Variants in CSMD1 observed in about 807,000 individuals in gnomAD.
CSMD1 encodes CUB and Sushi multiple domains 1.
CSMD1 carries 213 observed loss-of-function variants against 417.5 expected under a neutral mutation model. The observed-to-expected ratio is 0.51, with a 90% CI of 0.46 to 0.57. The LOEUF is 0.57. Among genes scored for constraint, CSMD1 ranks in the 20% least tolerant of loss-of-function variants. The pLI, the probability that CSMD1 is intolerant of heterozygous loss-of-function variation, is 0.00. For synonymous variants in CSMD1, 2,862 were observed against 1,736.8 expected, an observed-to-expected ratio of 1.65 and a Z score of -16.11; for missense variants, 6,923 against 4,529.7, an observed-to-expected ratio of 1.53 and a Z score of -15.17.
At chr8:3,135,024 G>A (rs1192541569) in intron 41 of CSMD1, among the ~76,000 whole-genome samples, 3 of 152,204 alleles carry the variant, frequency 2.0e-5, no homozygotes, top group East Asian at 3.9e-4. Context: ...CCCAAGCTCA[G>A]GCAGTCCTCC....
rs186924790 is a variant in CSMD1, at chr8:3,118,202, G to A, written c.6430+197C>T. 9.5e-4 allele frequency among the ~76,000 whole-genome samples: 144 copies of A among 152,274 alleles called. 1 individual carries two copies. Among genetic ancestry groups the A allele is most frequent in the Non-Finnish European group, 1.7e-3 (114 of 68,026 alleles). On this transcript the variant is annotated intron_variant, in intron 42 of 69. Transcript: ENST00000635120. ...ATCCTTATAATTTCCTTGGCAACAA[G>A]GATTGTTTCTTTACTTCTAACTTAA...
intron 5 of CSMD1, among the ~76,000 whole-genome samples, chr8:3,921,570 A>G (rs1406920619): frequency 6.6e-6 from 1 of 151,678 alleles, no homozygotes; most frequent in Admixed American, 6.6e-5. Flanking sequence ...TGCTTCATCT[A>G]TTTTGGTGTG....
intron 1 of CSMD1, among the ~76,000 whole-genome samples, chr8:4,687,374 T>A (rs1725787437): frequency 6.6e-6 from 1 of 152,172 alleles, no homozygotes; most frequent in Non-Finnish European, 1.5e-5. Flanking sequence ...AGTAACGTGA[T>A]ATAGCTTACA....
intron 26 of CSMD1, among the ~76,000 whole-genome samples, chr8:3,271,318 C>T (rs1414857499): frequency 6.6e-6 from 1 of 151,828 alleles, no homozygotes; most frequent in Non-Finnish European, 1.5e-5. Flanking sequence ...TTTCTTAATC[C>T]AGTCTATCAT....
intron 7 of CSMD1, among the ~76,000 whole-genome samples, chr8:3,628,890 A>G (rs1796627880): frequency 6.6e-6 from 1 of 152,084 alleles, no homozygotes. Flanking sequence ...AGATTATTCA[A>G]AACGAAGACA....
At chr8:3,712,747 CA>C (rs1237452771) in intron 6 of CSMD1, among the ~76,000 whole-genome samples, 2 of 152,068 alleles carry the variant, frequency 1.3e-5, no homozygotes, top group African/African-American at 4.8e-5. Flanking sequence ...CAATGCACGC[CA>C]AAGTTAGTCT....
intron 2 of CSMD1, among the ~76,000 whole-genome samples, chr8:4,447,946 T>G (rs1047071692): frequency 8.5e-5 from 13 of 152,304 alleles, no homozygotes; most frequent in African/African-American, 2.9e-4. Context: ...CACCATATTT[T>G]TTAAAAGACA....
intron 12 of CSMD1, among the ~76,000 whole-genome samples, chr8:3,446,956 CAT>C (rs1815344363): frequency 6.6e-6 from 1 of 152,134 alleles, no homozygotes; most frequent in Non-Finnish European, 1.5e-5. Context: ...TCTGCTCACA[CAT>C]AGTGACTTGT....
At chr8:4,465,944 T>G (rs1355170159) in intron 2 of CSMD1, among the ~76,000 whole-genome samples, 4 of 152,198 alleles carry the variant, frequency 2.6e-5, no homozygotes, top group African/African-American at 9.7e-5. Context: ...AGAGAAATTA[T>G]GTGCTTCCAA....
chr8:3,070,956 T>G (rs1585273836), intron 49 of CSMD1, among the ~76,000 whole-genome samples: 1 of 152,200 alleles, frequency 6.6e-6, no homozygotes, highest in East Asian at 1.9e-4. Context: ...GGAAGCATGG[T>G]GCTGGCATCT....
chr8:4,940,119 T>C (rs1413564461), intron 1 of CSMD1, among the ~76,000 whole-genome samples: 1 of 152,060 alleles, frequency 6.6e-6, no homozygotes, highest in Non-Finnish European at 1.5e-5. Context: ...GAGGAGGTCT[T>C]GGCTCCCCCT....
chr8:3,573,817 T>G (rs1030875364), intron 10 of CSMD1, among the ~76,000 whole-genome samples: 1 of 142,804 alleles, frequency 7.0e-6, no homozygotes. Flanking sequence ...TTAATATTAC[T>G]ATAAATATAA....
chr8:4,460,867 C>T (rs1055540601), intron 2 of CSMD1, among the ~76,000 whole-genome samples: 2 of 152,118 alleles, frequency 1.3e-5, no homozygotes, highest in Non-Finnish European at 2.9e-5. Flanking sequence ...TATTGTCAGT[C>T]TTTAATAAAT....
At chr8:3,584,174 A>G (rs760418468) in intron 9 of CSMD1, among the ~76,000 whole-genome samples, 7 of 152,220 alleles carry the variant, frequency 4.6e-5, no homozygotes, top group Non-Finnish European at 8.8e-5. Context: ...GTACTATTCA[A>G]TGTTGATCAA....
At chr8:4,450,954 G>A (rs1255097681) in intron 2 of CSMD1, among the ~76,000 whole-genome samples, 1 of 151,992 alleles carries the variant, frequency 6.6e-6, no homozygotes, top group Non-Finnish European at 1.5e-5. Context: ...ATACAACTAA[G>A]ATCTACAGTA....
intron 5 of CSMD1, among the ~76,000 whole-genome samples, chr8:3,992,572 C>A (rs1814839900): frequency 6.6e-6 from 1 of 152,122 alleles, no homozygotes. Context: ...TTCCTTGAGT[C>A]CAGGATTTTG....
Position 3,268,287 on chromosome 8 carries a change from C to CTTTTTTTTTTTTTT in CSMD1, c.4153+15856_4153+15857insAAAAAAAAAAAAAA, listed in dbSNP as rs1172040830. On this transcript the variant is annotated intron_variant, in intron 26 of 69. Transcript: ENST00000635120. The stretch of plus-strand genomic sequence containing the variant: ...AGGGTGTGGTCAGATGGTTCATTTC[C>CTTTTTTTTTTTTTT]TATTTTTTTTTTTTTTTTTTTTTTT... Among the ~76,000 whole-genome samples, 7 of 114,652 alleles carry CTTTTTTTTTTTTTT rather than the reference C, an allele frequency of 6.1e-5. 1 individual carries two copies. Among genetic ancestry groups the CTTTTTTTTTTTTTT allele is most frequent in the Admixed American group, 1.0e-4 (1 of 9,590 alleles). The allele number at this position is 114,652 out of a possible 152,430, so 75.2% of individuals were successfully genotyped here.
intron 5 of CSMD1, among the ~76,000 whole-genome samples, chr8:3,983,135 C>CTTCTTTTTT: frequency 7.5e-6 from 1 of 133,522 alleles, no homozygotes; most frequent in Non-Finnish European, 1.6e-5. Flanking sequence ...ATCTTTCTTT[C>CTTCTTTTTT]TTTTTTTTTT....
At chr8:3,460,787 C>T (rs571439914) in intron 12 of CSMD1, among the ~76,000 whole-genome samples, 17 of 152,254 alleles carry the variant, frequency 1.1e-4, no homozygotes, top group African/African-American at 4.1e-4. Flanking sequence ...TTATTTTCCC[C>T]GGCTGCTAGA....
Sources: gnomAD v4.1 joint callset for allele counts (sites outside exome capture counted in the v4.1 genomes callset) on GRCh38, gnomAD v4.1.1 for gene constraint, MANE v1.5 for transcripts, NCBI Gene and HGNC (gene_info 2026-07-23, HGNC 2026-07-21) for gene names.